Variants in CCL4L2 observed in about 807,000 individuals in gnomAD.
CCL4L2 encodes C-C motif chemokine ligand 4 like 2, also known as C-C motif chemokine 4-like.
Under a neutral mutation model 5.9 loss-of-function variants are expected in CCL4L2, and 3 were observed. That is an observed-to-expected ratio of 0.51 (90% CI 0.23 to 1.32). The LOEUF (loss-of-function observed/expected upper bound fraction) is 1.32, where lower values mean the gene tolerates loss of function less well. CCL4L2 is among the 40% of genes most tolerant of loss of function. The probability of loss-of-function intolerance (pLI) is 0.18; values close to 1 mark genes in which losing one functional copy is unlikely to be tolerated. For missense variants in CCL4L2, 74 were observed against 121.2 expected, an observed-to-expected ratio of 0.61 and a Z score of 1.83; for synonymous variants, 36 against 47.6, an observed-to-expected ratio of 0.76 and a Z score of 1.00.
chr17:36,211,122 A>G lies in CCL4L2; in HGVS notation c.-20A>G, dbSNP rs2068766101. 1.3e-6 allele frequency: 2 copies of G among 1,579,018 alleles called. No individual in the cohort carries two copies. The highest frequency in any genetic ancestry group is 3.4e-5 in the Admixed American group (2 of 59,098). On this transcript the variant is annotated 5_prime_UTR_variant, in exon 1 of 3. Coordinates refer to ENST00000617405, the MANE Select transcript of CCL4L2 (RefSeq NM_001291475.2). ...GTTCTGCAGCCTCACCTCTGAGAAA[A>G]CCTCTTTGCCACCAATACCATGAAG...
intron 1 of CCL4L2, 175 bp from the exon 2 acceptor site, chr17:36,211,601 G>A: frequency 3.8e-6 from 3 of 789,162 alleles, no homozygotes; most frequent in Non-Finnish European, 6.6e-6. Flanking sequence ...GTTCTTCTCT[G>A]AAGATCCACT....
chr17:36,211,921 G>A (rs1291020732), intron 2 of CCL4L2, 31 bp downstream of exon 2: 2 of 1,571,566 alleles, frequency 1.3e-6, no homozygotes, highest in South Asian at 2.3e-5. Context: ...GCCCTGGGAG[G>A]CAAGGGTGAG....
At position 36,211,245 on chromosome 17, in the gene CCL4L2, C is replaced by T. The variant is rs1283394536; in HGVS notation, c.76+28C>T. 23 of 1,578,300 alleles carry T rather than the reference C, an allele frequency of 1.5e-5. 2 individuals carry two copies. Among genetic ancestry groups the T allele is most frequent in the South Asian group, 4.5e-5 (4 of 89,098 alleles). ...AAGTCTACTTTTGCAGCTGCTATTTCGAGTCAAGGTGTAGGCAGAGTCCTT... is the reference window on the plus strand; with the variant it reads ...AAGTCTACTTTTGCAGCTGCTATTTTGAGTCAAGGTGTAGGCAGAGTCCTT... On this transcript the variant is annotated intron_variant, in intron 1 of 2. Coordinates refer to ENST00000617405, the MANE Select transcript of CCL4L2 (RefSeq NM_001291475.2).
Position 36,211,852 on chromosome 17 carries a change from C to A in CCL4L2, c.153C>A (p.Tyr51Ter). The change falls in exon 2 of 3, where the codon TAC (tyrosine) becomes TAA (stop). Residue 51 changes from tyrosine to a stop codon, truncating the protein, a stop_gained. Transcript: ENST00000617405. LOFTEE classifies it low-confidence loss of function (END_TRUNC). Reference sequence around the variant, plus strand: ...TTCCTCGCAACTTTGTGGTAGATTACTATGAGACCAGCAGCCTCTGCTCCC... The same window carrying A: ...TTCCTCGCAACTTTGTGGTAGATTAATATGAGACCAGCAGCCTCTGCTCCC... 6.3e-7 allele frequency: 1 copy of A among 1,579,760 alleles called. No homozygotes were observed. The highest frequency in any genetic ancestry group is 1.9e-4 in the Middle Eastern group (1 of 5,298).
At chr17:36,211,928 T>C in intron 2 of CCL4L2, 38 bp downstream of exon 2, 1 of 1,564,374 alleles carries the variant, frequency 6.4e-7, no homozygotes, top group East Asian at 2.2e-5. Flanking sequence ...GAGGCAAGGG[T>C]GAGGGCTGGA....
intron 1 of CCL4L2, 66 bp downstream of exon 1, chr17:36,211,283 G>C: frequency 6.5e-7 from 1 of 1,529,400 alleles, no homozygotes; most frequent in South Asian, 1.1e-5. Context: ...TTCTAGTCAT[G>C]GCTGGCAAAC....
At chr17:36,211,677 GGT>G (rs2068779421) in intron 1 of CCL4L2, 97 bp from the exon 2 acceptor site, 2 of 1,370,478 alleles carry the variant, frequency 1.5e-6, no homozygotes, top group Admixed American at 3.6e-5. Context: ...TTGGGGTTCT[GGT>G]AGCTCCACAG....
rs2068816554 is a variant in CCL4L2 at position 36,212,808 on chromosome 17, C to T, written c.*385C>T. The T allele has an allele frequency of 1.7e-6, 1 of 580,232 alleles. No homozygotes were observed. The highest frequency in any genetic ancestry group is 2.8e-5 in the East Asian group (1 of 36,330). 35.9% of individuals were successfully genotyped at this position (580,232 alleles called of 1,614,324 possible). A position where few individuals can be genotyped will look rare whatever the true frequency, so the allele number is the denominator to read the frequency against. ...CACTCTCACTCTTTCTCTGCTGTTG[C>T]AAATACATGGATAACACCGTTAATT... On this transcript the variant is annotated 3_prime_UTR_variant, in exon 3 of 3. Coordinates refer to ENST00000617405, the MANE Select transcript of CCL4L2 (RefSeq NM_001291475.2).
At position 36,212,799 on chromosome 17, in the gene CCL4L2, C is replaced by T; in HGVS notation, c.*376C>T. ...GGGATGGTCCACTCTCACTCTTTCT[C>T]TGCTGTTGCAAATACATGGATAACA... On this transcript the variant is annotated 3_prime_UTR_variant, in exon 3 of 3. Transcript: ENST00000617405. 1.7e-6 allele frequency: 1 copy of T among 600,930 alleles called. No homozygotes were observed. The highest frequency in any genetic ancestry group is 3.0e-6 in the Non-Finnish European group (1 of 333,168). The allele number at this position is 600,930 out of a possible 1,614,324, so 37.2% of individuals were successfully genotyped here. A position where few individuals can be genotyped will look rare whatever the true frequency, so the allele number is the denominator to read the frequency against.
intron 2 of CCL4L2, 77 bp downstream of exon 2, chr17:36,211,967 G>A (rs1254180025): frequency 1.4e-6 from 2 of 1,470,784 alleles, no homozygotes; most frequent in Non-Finnish European, 9.5e-7. Context: ...TTTGGGGAGG[G>A]GGTGATGAGC....
At chr17:36,211,452 T>G (rs1660600014) in intron 1 of CCL4L2, 4 of 718,858 alleles carry the variant, frequency 5.6e-6, no homozygotes, top group Non-Finnish European at 1.0e-5. Context: ...GTCAGACTGT[T>G]GAATTGGCTC....
At position 36,211,786 on chromosome 17, in the gene CCL4L2, C is replaced by G; in HGVS notation, c.87C>G (p.Asp29Glu). The G allele has an allele frequency of 6.3e-7, 1 of 1,577,500 alleles. No individual in the cohort carries two copies. The highest frequency in any genetic ancestry group is 2.2e-5 in the East Asian group (1 of 44,600). Residue 29 changes from aspartate (D) to glutamate (E), a missense_variant, in exon 2 of 3, where the codon GAC (aspartate) becomes GAG (glutamate). By Grantham distance (45) the Asp-to-Glu change is conservative. Transcript: ENST00000617405. ...GGCCTTTCCTTTCAGTGGGCTCAGA[C>G]CCTCCCACCGCCTGCTGCTTTTCTT...
rs1201805071 is a variant in CCL4L2 at position 36,211,204 on chromosome 17, A to G, written c.63A>G (p.Ala21=). 33 of 1,580,940 alleles carry G rather than the reference A, an allele frequency of 2.1e-5. 7 individuals carry two copies. The highest frequency in any genetic ancestry group is 2.5e-5 in the Non-Finnish European group (29 of 1,156,348). ...TAGTAGCTGCCTTCTGCTCTCTAGC[A>G]CTCTCAGCACCAAGTAAGTCTACTT... The change falls in exon 1 of 3, where the codon GCA becomes GCG. Residue 21 remains alanine, a synonymous_variant. Transcript: ENST00000617405.
In CCL4L2 at chr17:36,211,766, T is replaced by C; in HGVS notation, c.77-10T>C. 6.4e-7 allele frequency: 1 copy of C among 1,569,760 alleles called. No homozygotes were observed. On this transcript the variant is annotated splice_polypyrimidine_tract_variant and intron_variant, in intron 1 of 2. Coordinates refer to ENST00000617405, the MANE Select transcript of CCL4L2 (RefSeq NM_001291475.2). ...GGCAGTGTTGATCTCACCCTGGCCT[T>C]TCCTTTCAGTGGGCTCAGACCCTCC...
chr17:36,211,087 A>C lies in CCL4L2; in HGVS notation c.-55A>C. ...CAGCACAGGACACAGCTAGGTTCTGAAGCTTCTGAGTTCTGCAGCCTCACC... is the reference window on the plus strand; with the variant it reads ...CAGCACAGGACACAGCTAGGTTCTGCAGCTTCTGAGTTCTGCAGCCTCACC... On this transcript the variant is annotated 5_prime_UTR_variant, in exon 1 of 3. Transcript: ENST00000617405. The C allele has an allele frequency of 1.9e-6, 3 of 1,557,496 alleles. 1 individual carries two copies. The highest frequency in any genetic ancestry group is 2.6e-6 in the Non-Finnish European group (3 of 1,135,174).
chr17:36,212,782 CCACTCT>C lies in CCL4L2; in HGVS notation c.*366_*371del. 1 of 648,120 alleles carries C rather than the reference CCACTCT, an allele frequency of 1.5e-6. No individual in the cohort carries two copies. The highest frequency in any genetic ancestry group is 2.7e-6 in the Non-Finnish European group (1 of 366,580). The allele number at this position is 648,120 out of a possible 1,614,324, so 40.1% of individuals were successfully genotyped here. A position where few individuals can be genotyped will look rare whatever the true frequency, so the allele number is the denominator to read the frequency against. ...GATAAGTGTCCCCTATGGGGATGGTCCACTCTCACTCTTTCTCTGCTGTTGCAAATA... is the reference window on the plus strand; with the variant it reads ...GATAAGTGTCCCCTATGGGGATGGTCCACTCTTTCTCTGCTGTTGCAAATA... On this transcript the variant is annotated 3_prime_UTR_variant, in exon 3 of 3. Transcript: ENST00000617405.
chr17:36,211,066 A>C lies in CCL4L2; in HGVS notation c.-76A>C. 6.6e-7 allele frequency: 1 copy of C among 1,513,498 alleles called. No homozygotes were observed. Among genetic ancestry groups the C allele is most frequent in the Non-Finnish European group, 9.1e-7 (1 of 1,094,224 alleles). 93.8% of individuals were successfully genotyped at this position (1,513,498 alleles called of 1,614,324 possible). On this transcript the variant is annotated 5_prime_UTR_variant, in exon 1 of 3. Transcript: ENST00000617405. ...GAGAGATTCCCAACTCAGTATCAGC[A>C]CAGGACACAGCTAGGTTCTGAAGCT...
chr17:36,212,353 C>A lies in CCL4L2; in HGVS notation c.242C>A (p.Pro81His). The A allele has an allele frequency of 8.6e-7, 1 of 1,160,262 alleles. No homozygotes were observed. Among genetic ancestry groups the A allele is most frequent in the Non-Finnish European group, 1.3e-6 (1 of 768,486 alleles). 71.9% of individuals were successfully genotyped at this position (1,160,262 alleles called of 1,614,324 possible). The change falls in exon 3 of 3, where the codon CCC (proline) becomes CAC (histidine). Residue 81 changes from proline (P) to histidine (H), a missense_variant. Transcript: ENST00000617405. ...TTCCAGTGCTGCTCCGGGAAGGATC[C>A]CATCCACCAGAGCTGCCCCACATGG...
Position 36,211,968 on chromosome 17 carries a change from G to A in CCL4L2, c.191+78G>A, listed in dbSNP as rs2068788408. 4.8e-6 allele frequency: 7 copies of A among 1,452,262 alleles called. No homozygotes were observed. In the East Asian group the frequency reaches 1.4e-4, roughly 28 times the overall value. The allele number at this position is 1,452,262 out of a possible 1,614,324, so 90.0% of individuals were successfully genotyped here. ...TAAAGGGGGCCTGTTTTGGGGAGGG[G>A]GTGATGAGCGTTGGGGAGGCAGCTC... On this transcript the variant is annotated intron_variant, in intron 2 of 2. Transcript: ENST00000617405.
Sources: allele counts gnomAD v4.1 joint callset, GRCh38; gene constraint gnomAD v4.1.1; transcripts MANE v1.5; gene names NCBI Gene and HGNC (gene_info 2026-07-23, HGNC 2026-07-21).